NKAIN2: variants seen among roughly 807,000 people sequenced by gnomAD.
NKAIN2 encodes the protein sodium/potassium-transporting ATPase subunit beta-1-interacting protein 2.
Under a neutral mutation model 32.6 loss-of-function variants are expected in NKAIN2, and 14 were observed. That is an observed-to-expected ratio of 0.43 (90% CI 0.28 to 0.67). NKAIN2 has a LOEUF of 0.67. NKAIN2 is among the 30% of genes least tolerant of loss of function. The pLI is 0.17. For missense variants in NKAIN2, 198 were observed against 258.3 expected, an observed-to-expected ratio of 0.77 and a Z score of 1.60; for synonymous variants, 80 against 87.2, an observed-to-expected ratio of 0.92 and a Z score of 0.46.
At chr6:123,998,107 C>G (rs1779706785) in intron 1 of NKAIN2, among the ~76,000 whole-genome samples, 2 of 152,060 alleles carry the variant, frequency 1.3e-5, no homozygotes, top group South Asian at 4.2e-4. Flanking sequence ...TTAAATAACT[C>G]CCATTGGCCT....
intron 3 of NKAIN2, among the ~76,000 whole-genome samples, chr6:124,634,670 TAATGA>T (rs1205370644): frequency 6.6e-6 from 1 of 152,066 alleles, no homozygotes; most frequent in Non-Finnish European, 1.5e-5. Context: ...AAAACCTATT[TAATGA>T]AATAATAACT....
In NKAIN2 at chr6:124,089,298, G is replaced by A. The variant is rs369647585; in HGVS notation, c.55-193707G>A. Among the ~76,000 whole-genome samples, 184 of 151,676 alleles carry A rather than the reference G, an allele frequency of 1.2e-3. 1 individual carries two copies. Among genetic ancestry groups the A allele is most frequent in the African/African-American group, 4.2e-3 (176 of 41,414 alleles). On this transcript the variant is annotated intron_variant, in intron 1 of 6. Coordinates refer to ENST00000368417, the MANE Select transcript of NKAIN2 (RefSeq NM_001040214.3). ...CACATTAGTGTGAGTACCGTGATTC[G>A]GCCTGAAAGTCATGGTCTTTCTTCT...
chr6:123,976,533 T>A (rs9385313), intron 1 of NKAIN2, among the ~76,000 whole-genome samples: 77,306 of 149,248 alleles, frequency 0.52, 20,809 homozygotes, highest in East Asian at 0.69. Context: ...ATGGTGCAGT[T>A]TGCTAGAGAA....
chr6:123,992,853 C>A (rs1487507407), intron 1 of NKAIN2, among the ~76,000 whole-genome samples: 6 of 152,138 alleles, frequency 3.9e-5, no homozygotes, highest in Non-Finnish European at 1.5e-5. Context: ...CCTTGTGGTA[C>A]CCACTAAAAT....
intron 1 of NKAIN2, among the ~76,000 whole-genome samples, chr6:123,864,872 T>A (rs1775922770): frequency 6.6e-6 from 1 of 152,190 alleles, no homozygotes; most frequent in Non-Finnish European, 1.5e-5. Flanking sequence ...TTAGAACAAT[T>A]AGCAAAAACA....
intron 3 of NKAIN2, among the ~76,000 whole-genome samples, chr6:124,513,722 A>T (rs974688717): frequency 1.3e-5 from 2 of 152,146 alleles, no homozygotes; most frequent in Non-Finnish European, 2.9e-5. Flanking sequence ...CCAAAAGTCT[A>T]TTTGAGAGGC....
chr6:124,370,600 G>A (rs922321973), intron 3 of NKAIN2, among the ~76,000 whole-genome samples: 5 of 152,058 alleles, frequency 3.3e-5, no homozygotes, highest in Non-Finnish European at 5.9e-5. Flanking sequence ...TCTTTCTTAT[G>A]TGTAAAAACT....
chr6:123,883,640 TTAAAAAAA>T (rs1773565540), intron 1 of NKAIN2, among the ~76,000 whole-genome samples: 4 of 148,358 alleles, frequency 2.7e-5, no homozygotes, highest in Admixed American at 6.7e-5. Context: ...AACCTCTTTT[TTAAAAAAA>T]AATTTTTTTT....
At chr6:123,996,794 T>G (rs1779636721) in intron 1 of NKAIN2, among the ~76,000 whole-genome samples, 1 of 152,152 alleles carries the variant, frequency 6.6e-6, no homozygotes, top group South Asian at 2.1e-4. Flanking sequence ...TTTTTCTTCT[T>G]AAAAGAAGAA....
At chr6:123,854,345 A>G (rs1411310124) in intron 1 of NKAIN2, among the ~76,000 whole-genome samples, 2 of 152,126 alleles carry the variant, frequency 1.3e-5, no homozygotes, top group Admixed American at 6.5e-5. Context: ...CTGCTTTTCC[A>G]TTGCCTTTGG....
intron 1 of NKAIN2, 148 bp downstream of exon 1, chr6:123,804,402 C>A (rs1485521593): frequency 5.6e-6 from 4 of 718,978 alleles, no homozygotes; most frequent in Non-Finnish European, 9.9e-6. Context: ...AAGATGATTT[C>A]AGGGAGACGC....
intron 3 of NKAIN2, among the ~76,000 whole-genome samples, chr6:124,498,518 T>C (rs1778156895): frequency 6.6e-6 from 1 of 152,200 alleles, no homozygotes; most frequent in Non-Finnish European, 1.5e-5. Context: ...AATGTGGCCC[T>C]GTCTCCATTA....
At chr6:123,814,312 T>C (rs968102466) in intron 1 of NKAIN2, among the ~76,000 whole-genome samples, 1 of 152,214 alleles carries the variant, frequency 6.6e-6, no homozygotes, top group African/African-American at 2.4e-5. Flanking sequence ...TCTGGTTTTA[T>C]CAAAAGCGTT....
intron 4 of NKAIN2, among the ~76,000 whole-genome samples, chr6:124,774,301 A>G (rs1028692759): frequency 2.0e-5 from 3 of 152,198 alleles, no homozygotes; most frequent in Admixed American, 6.5e-5. Flanking sequence ...CAAATCTTAC[A>G]GTATTTTCTG....
intron 1 of NKAIN2, among the ~76,000 whole-genome samples, chr6:124,113,006 C>G (rs1785452798): frequency 6.6e-6 from 1 of 151,938 alleles, no homozygotes; most frequent in Non-Finnish European, 1.5e-5. Context: ...TCAGGTTAAC[C>G]ATTTCATTAG....
chr6:123,867,798 T>A (rs1268892507), intron 1 of NKAIN2, among the ~76,000 whole-genome samples: 1 of 152,070 alleles, frequency 6.6e-6, no homozygotes, highest in South Asian at 2.1e-4. Context: ...CTCAGATTGC[T>A]ATTGAAATGA....
intron 1 of NKAIN2, among the ~76,000 whole-genome samples, chr6:123,938,740 G>C (rs1246203045): frequency 1.3e-5 from 2 of 150,454 alleles, no homozygotes; most frequent in Non-Finnish European, 3.0e-5. Flanking sequence ...TCCATCTATA[G>C]AATCATGGAA....
In NKAIN2 at chr6:124,824,262, T is replaced by C. The variant is rs1781505535; in HGVS notation, c.*1033T>C. On this transcript the variant is annotated 3_prime_UTR_variant, in exon 7 of 7. Transcript: ENST00000368417. The stretch of plus-strand genomic sequence containing the variant: ...TATCAACAGAGGCCAACTGAATATG[T>C]ATTAGCTATGTTTACTCTTTTATAT... 1 of 152,658 alleles carries C rather than the reference T, an allele frequency of 6.6e-6. No homozygotes were observed. Among genetic ancestry groups the C allele is most frequent in the Admixed American group, 6.5e-5 (1 of 15,278 alleles). The allele number at this position is 152,658 out of a possible 1,614,324, so 9.5% of individuals were successfully genotyped here.
chr6:124,475,955 A>G (rs1777178115), intron 3 of NKAIN2, among the ~76,000 whole-genome samples: 1 of 152,000 alleles, frequency 6.6e-6, no homozygotes, highest in Admixed American at 6.6e-5. Flanking sequence ...TAATTTCTGA[A>G]TATGAAGATG....
Sources: allele counts gnomAD v4.1 joint callset (sites outside exome capture counted in the v4.1 genomes callset), GRCh38; gene constraint gnomAD v4.1.1; transcripts MANE v1.5; gene names NCBI Gene and HGNC (gene_info 2026-07-23, HGNC 2026-07-21).